The following ZBTB20 variants were observed in gnomAD, a reference collection of about 807,000 sequenced individuals.
ZBTB20 encodes the protein zinc finger and BTB domain-containing protein 20.
ZBTB20 carries 9 observed loss-of-function variants against 56.9 expected under a neutral mutation model. The ratio of observed to expected loss-of-function variants is 0.16; its 90% CI spans 0.10 to 0.28. ZBTB20 has a LOEUF of 0.28. Among genes scored for constraint, ZBTB20 ranks in the 10% least tolerant of loss-of-function variants. The pLI is 1.00. For synonymous variants in ZBTB20, 417 were observed against 420.7 expected, an observed-to-expected ratio of 0.99 and a Z score of 0.11; for missense variants, 655 against 1,003.0, an observed-to-expected ratio of 0.65 and a Z score of 4.69.
intron 1 of ZBTB20, among the ~76,000 whole-genome samples, chr3:115,078,613 G>GTGTGTGTGTATATATATA (rs769630983): frequency 2.9e-5 from 4 of 137,824 alleles, no homozygotes; most frequent in African/African-American, 1.1e-4. Flanking sequence ...GTGTGTGTGT[G>GTGTGTGTGTATATATATA]TATATATATA....
At chr3:115,018,146 T>C (rs774494328) in intron 2 of ZBTB20, among the ~76,000 whole-genome samples, 25 of 151,496 alleles carry the variant, frequency 1.7e-4, no homozygotes, top group African/African-American at 5.8e-4. Context: ...TATTTTCCAT[T>C]AGTAAAGAAG....
At chr3:114,452,283 T>C (rs2091670493) in intron 7 of ZBTB20, among the ~76,000 whole-genome samples, 1 of 152,162 alleles carries the variant, frequency 6.6e-6, no homozygotes, top group Admixed American at 6.6e-5. Context: ...TTTTTCTCCT[T>C]AAGCACTATT....
chr3:114,534,983 C>A (rs1295284482), intron 6 of ZBTB20, among the ~76,000 whole-genome samples: 1 of 152,052 alleles, frequency 6.6e-6, no homozygotes. Context: ...TGGGACACAG[C>A]TAAACTAATA....
intron 5 of ZBTB20, among the ~76,000 whole-genome samples, chr3:114,778,003 C>A (rs1163177483): frequency 6.8e-6 from 1 of 147,888 alleles, no homozygotes; most frequent in Non-Finnish European, 1.5e-5. Flanking sequence ...AGACAAAAAA[C>A]CAAACACTGC....
chr3:114,715,954 A>G (rs1254833711), intron 5 of ZBTB20, among the ~76,000 whole-genome samples: 2 of 152,220 alleles, frequency 1.3e-5, no homozygotes, highest in Non-Finnish European at 2.9e-5. Context: ...GGAACAGGTC[A>G]GACTATCTTT....
chr3:114,581,128 G>A (rs2054597346), intron 6 of ZBTB20, among the ~76,000 whole-genome samples: 1 of 151,868 alleles, frequency 6.6e-6, no homozygotes, highest in Non-Finnish European at 1.5e-5. Flanking sequence ...CATATAAACA[G>A]ATTTGATATA....
At chr3:114,720,500 A>G (rs2064842357) in intron 5 of ZBTB20, among the ~76,000 whole-genome samples, 1 of 152,132 alleles carries the variant, frequency 6.6e-6, no homozygotes, top group Admixed American at 6.6e-5. Context: ...TAGCCTGGTT[A>G]TCCATATCCA....
chr3:114,623,442 T>C (rs983095869), intron 6 of ZBTB20, among the ~76,000 whole-genome samples: 1 of 152,198 alleles, frequency 6.6e-6, no homozygotes, highest in Non-Finnish European at 1.5e-5. Flanking sequence ...ATGATAAATT[T>C]CCTGGGAACC....
At chr3:114,773,130 C>A (rs1234458650) in intron 5 of ZBTB20, among the ~76,000 whole-genome samples, 1 of 152,124 alleles carries the variant, frequency 6.6e-6, no homozygotes, top group African/African-American at 2.4e-5. Context: ...CCATGAGGAA[C>A]TGAATAAGCA....
chr3:114,862,651 C>T (rs2075585411), intron 4 of ZBTB20, among the ~76,000 whole-genome samples: 2 of 152,054 alleles, frequency 1.3e-5, no homozygotes, highest in African/African-American at 2.4e-5. Flanking sequence ...CTATTGTATG[C>T]TCCGAGCCTA....
chr3:114,911,472 C>T (rs2075535193), intron 3 of ZBTB20, among the ~76,000 whole-genome samples: 1 of 151,768 alleles, frequency 6.6e-6, no homozygotes, highest in African/African-American at 2.4e-5. Flanking sequence ...TAATGATTTT[C>T]AATAAGTCCA....
chr3:114,447,870 G>T lies in ZBTB20; in HGVS notation c.-255+52482C>A, dbSNP rs374601804. On this transcript the variant is annotated intron_variant, in intron 7 of 11. Coordinates refer to ENST00000675478, the MANE Select transcript of ZBTB20 (RefSeq NM_001348800.3). ...CAGCTTTGAGCCTAATGCCATTTGG[G>T]ATATTTCTCGGATACCCTGAGCCCC... Among the ~76,000 whole-genome samples the T allele has an allele frequency of 2.5e-4, 38 of 152,218 alleles. No individual in the cohort carries two copies. The South Asian group carries it at 7.1e-3, about 28-fold the overall frequency.
intron 5 of ZBTB20, among the ~76,000 whole-genome samples, chr3:114,770,168 G>A (rs987845720): frequency 6.6e-6 from 1 of 151,810 alleles, no homozygotes; most frequent in Admixed American, 6.6e-5. Flanking sequence ...CTTGGGTGAT[G>A]GGTACACCAA....
chr3:114,652,894 C>A (rs1452759208), intron 6 of ZBTB20, among the ~76,000 whole-genome samples: 1 of 151,772 alleles, frequency 6.6e-6, no homozygotes, highest in Non-Finnish European at 1.5e-5. Flanking sequence ...ATTTAAATGT[C>A]TTATATTTAT....
At chr3:114,456,522 T>A (rs959242796) in intron 7 of ZBTB20, among the ~76,000 whole-genome samples, 1 of 152,196 alleles carries the variant, frequency 6.6e-6, no homozygotes, top group Non-Finnish European at 1.5e-5. Context: ...TCTTTCAGCA[T>A]ACTATGTAGT....
intron 6 of ZBTB20, among the ~76,000 whole-genome samples, chr3:114,580,709 T>C (rs940197053): frequency 5.9e-5 from 9 of 151,716 alleles, no homozygotes; most frequent in East Asian, 1.9e-4. Context: ...AATATAATAA[T>C]GTAAGAATCT....
chr3:114,757,045 T>C (rs969393684), intron 5 of ZBTB20, among the ~76,000 whole-genome samples: 16 of 152,128 alleles, frequency 1.1e-4, no homozygotes, highest in African/African-American at 3.9e-4. Flanking sequence ...TACATCACAG[T>C]TGGATTACAG....
intron 5 of ZBTB20, among the ~76,000 whole-genome samples, chr3:114,738,546 GAGGTT>G (rs1403553449): frequency 6.6e-6 from 1 of 152,124 alleles, no homozygotes; most frequent in African/African-American, 2.4e-5. Context: ...GGGTTTTAGA[GAGGTT>G]AGGTCAAATG....
At chr3:114,618,051 A>C (rs2058056007) in intron 6 of ZBTB20, among the ~76,000 whole-genome samples, 2 of 149,378 alleles carry the variant, frequency 1.3e-5, no homozygotes, top group South Asian at 2.1e-4. Flanking sequence ...CTATCTAGAA[A>C]GTAACTACAA....
Sources: gnomAD v4.1 joint callset for allele counts (sites outside exome capture counted in the v4.1 genomes callset) on GRCh38, gnomAD v4.1.1 for gene constraint, MANE v1.5 for transcripts, NCBI Gene and HGNC (gene_info 2026-07-23, HGNC 2026-07-21) for gene names.